Variants in SORBS2 observed in about 807,000 individuals in gnomAD.
SORBS2 encodes sorbin and SH3 domain-containing protein 2.
In SORBS2, 46 loss-of-function variants were observed where a neutral mutation model predicts 97.7. The observed-to-expected ratio is 0.47, with a 90% CI of 0.37 to 0.60. SORBS2 has a LOEUF of 0.60. Ranked by LOEUF, SORBS2 falls within the 20% of genes least tolerant of loss-of-function variation. The pLI, the probability that SORBS2 is intolerant of heterozygous loss-of-function variation, is 0.00. For synonymous variants in SORBS2, 476 were observed against 473.4 expected, an observed-to-expected ratio of 1.01 and a Z score of -0.07; for missense variants, 1,316 against 1,282.3, an observed-to-expected ratio of 1.03 and a Z score of -0.40.
chr4:185,932,565 G>A (rs1216078610), intron 1 of SORBS2, among the ~76,000 whole-genome samples: 1 of 152,106 alleles, frequency 6.6e-6, no homozygotes, highest in Non-Finnish European at 1.5e-5. Flanking sequence ...CTACCGCACG[G>A]CATTTTCTCT....
exon 6 of SORBS2, chr4:185,626,949 A>G (rs747118383): frequency 9.3e-6 from 15 of 1,614,170 alleles, no homozygotes. Flanking sequence ...TGATCTCCCA[A>G]GCCCCGTGGT....
At chr4:185,934,916 G>A (rs2149980023) in intron 1 of SORBS2, among the ~76,000 whole-genome samples, 1 of 152,258 alleles carries the variant, frequency 6.6e-6, no homozygotes, top group Admixed American at 6.5e-5. Context: ...TGCTCAAGGA[G>A]AAGATGCTTG....
At chr4:185,594,807 A>G (rs1254657731) in intron 12 of SORBS2, among the ~76,000 whole-genome samples, 5 of 152,208 alleles carry the variant, frequency 3.3e-5, no homozygotes, top group Admixed American at 3.3e-4. Context: ...TTTAGGGGAG[A>G]AATGCAAACA....
chr4:185,794,046 G>T (rs1323611768), intron 1 of SORBS2, among the ~76,000 whole-genome samples: 1 of 152,074 alleles, frequency 6.6e-6, no homozygotes, highest in Non-Finnish European at 1.5e-5. Flanking sequence ...GGGAAAGTCT[G>T]TCAAAAAGCA....
intron 2 of SORBS2, among the ~76,000 whole-genome samples, chr4:185,741,360 G>C (rs181597630): frequency 2.0e-5 from 3 of 151,122 alleles, no homozygotes; most frequent in Admixed American, 1.3e-4. Flanking sequence ...AGGCCCAAGA[G>C]CTGCCCTCTC....
intron 1 of SORBS2, among the ~76,000 whole-genome samples, chr4:185,895,554 C>T (rs557425823): frequency 1.4e-3 from 207 of 152,304 alleles, no homozygotes; most frequent in African/African-American, 4.8e-3. Context: ...GCAGTGGCAT[C>T]ACCCCCGCCA....
intron 12 of SORBS2, among the ~76,000 whole-genome samples, chr4:185,605,051 G>A (rs1242127467): frequency 6.6e-6 from 1 of 152,148 alleles, no homozygotes; most frequent in Non-Finnish European, 1.5e-5. Context: ...TGAAATAATT[G>A]ATGTAGAGAC....
intron 1 of SORBS2, among the ~76,000 whole-genome samples, chr4:185,788,551 C>T (rs1017484346): frequency 2.0e-5 from 3 of 152,110 alleles, no homozygotes; most frequent in African/African-American, 4.8e-5. Flanking sequence ...AGGAATTATT[C>T]GTACAAGGCT....
chr4:185,651,861 T>C (rs1218899692), intron 2 of SORBS2, 33 bp from the exon 11 acceptor site: 1 of 1,062,862 alleles, frequency 9.4e-7, no homozygotes. Flanking sequence ...TATGGTAATA[T>C]AGATTGTCAC....
At chr4:185,881,140 C>T (rs753887780) in intron 1 of SORBS2, among the ~76,000 whole-genome samples, 1 of 151,970 alleles carries the variant, frequency 6.6e-6, no homozygotes, top group Non-Finnish European at 1.5e-5. Context: ...GAAACAAGGT[C>T]AAACATGGTT....
intron 2 of SORBS2, among the ~76,000 whole-genome samples, chr4:185,768,698 C>CA (rs1207578871): frequency 0.12 from 10,393 of 84,388 alleles, 639 homozygotes; most frequent in South Asian, 0.26. Flanking sequence ...GACTCTGTCT[C>CA]AAAAAAAAAA....
chr4:185,760,297 C>T (rs1035368684), intron 2 of SORBS2, among the ~76,000 whole-genome samples: 5 of 152,248 alleles, frequency 3.3e-5, no homozygotes, highest in South Asian at 2.1e-4. Flanking sequence ...TGCAGTGCCT[C>T]ATGCCTGTAA....
chr4:185,760,937 T>C lies in SORBS2; in HGVS notation c.-198+14290A>G, dbSNP rs947408532. ...AGAGCAGAAAACATTTCATTTTAAA[T>C]GATTGCTATTTCAGTTACATAATAA... On this transcript the variant is annotated intron_variant, in intron 2 of 20. Coordinates refer to the SORBS2 transcript ENST00000284776. Among the ~76,000 whole-genome samples, 5 of 152,244 alleles carry C rather than the reference T, an allele frequency of 3.3e-5. No homozygotes were observed. The East Asian group carries it at 9.6e-4, about 29-fold the overall frequency.
chr4:185,588,778 C>A (rs781717405), intron 14 of SORBS2, among the ~76,000 whole-genome samples: 1 of 152,140 alleles, frequency 6.6e-6, no homozygotes, highest in Non-Finnish European at 1.5e-5. Flanking sequence ...CCAAGCCCAG[C>A]TGATTATTGT....
chr4:185,817,202 T>C (rs1311412581), intron 1 of SORBS2, among the ~76,000 whole-genome samples: 2 of 150,752 alleles, frequency 1.3e-5, no homozygotes, highest in Admixed American at 1.3e-4. Flanking sequence ...AATGGTGTTA[T>C]CCAATAATAA....
At chr4:185,621,573 A>T (rs1014151482) in intron 7 of SORBS2, among the ~76,000 whole-genome samples, 3 of 152,194 alleles carry the variant, frequency 2.0e-5, no homozygotes, top group Non-Finnish European at 2.9e-5. Flanking sequence ...TTGATTTTTT[A>T]AATTCTAATT....
intron 1 of SORBS2, among the ~76,000 whole-genome samples, chr4:185,820,283 C>T (rs373914631): frequency 3.9e-4 from 59 of 152,350 alleles, no homozygotes; most frequent in Middle Eastern, 3.4e-3. Flanking sequence ...GCAACCTCAC[C>T]TGGACAGCGC....
intron 1 of SORBS2, among the ~76,000 whole-genome samples, chr4:185,903,745 T>C (rs2099249058): frequency 6.6e-6 from 1 of 152,216 alleles, no homozygotes. Context: ...CCTGTGATGA[T>C]CTTTCCGAGT....
chr4:185,650,872 T>C (rs1034903379), intron 2 of SORBS2, among the ~76,000 whole-genome samples: 3 of 152,126 alleles, frequency 2.0e-5, no homozygotes, highest in Non-Finnish European at 4.4e-5. Flanking sequence ...GCTGAGTTTG[T>C]TCTACTGATT....
Sources: gnomAD v4.1 joint callset for allele counts (sites outside exome capture counted in the v4.1 genomes callset) on GRCh38, gnomAD v4.1.1 for gene constraint, MANE v1.5 for transcripts, NCBI Gene and HGNC (gene_info 2026-07-23, HGNC 2026-07-21) for gene names.